TENM3: variants seen among roughly 807,000 people sequenced by gnomAD.
TENM3 encodes the protein teneurin-3.
TENM3 carries 63 observed loss-of-function variants against 255.1 expected under a neutral mutation model. The observed-to-expected ratio is 0.25, with a 90% CI of 0.20 to 0.30. TENM3 has a LOEUF of 0.30. TENM3 is among the 10% of genes least tolerant of loss of function. TENM3 has a pLI of 1.00. For missense variants in TENM3, 2,929 were observed against 3,461.1 expected, an observed-to-expected ratio of 0.85 and a Z score of 3.86; for synonymous variants, 1,306 against 1,322.3, an observed-to-expected ratio of 0.99 and a Z score of 0.27.
chr4:182,347,634 CT>C (rs11306301), intron 3 of TENM3, among the ~76,000 whole-genome samples: 149,354 of 152,070 alleles, frequency 0.98, 73,411 homozygotes, highest in East Asian at 1. Context: ...ATTATTGGGA[CT>C]TTTTTTTTCC....
the TENM3 span, among the ~76,000 whole-genome samples, chr4:181,854,336 A>G: frequency 1.3e-5 from 2 of 152,180 alleles, no homozygotes; most frequent in African/African-American, 4.8e-5. Flanking sequence ...GAACCACTCA[A>G]TGATTCCATG....
At chr4:182,502,235 G>A (rs1003107767) in intron 3 of TENM3, among the ~76,000 whole-genome samples, 12 of 152,150 alleles carry the variant, frequency 7.9e-5, no homozygotes, top group African/African-American at 2.9e-4. Context: ...TTAGGATGGC[G>A]ACTTTGTTCC....
At chr4:181,497,777 T>C in the TENM3 span, among the ~76,000 whole-genome samples, 1 of 152,208 alleles carries the variant, frequency 6.6e-6, no homozygotes. Flanking sequence ...ACTTCCCCAC[T>C]TCTTGCTTTC....
In TENM3 at chr4:182,591,545, A is replaced by G. The variant is rs147150134; in HGVS notation, c.512-9379A>G. 7.8e-4 allele frequency among the ~76,000 whole-genome samples: 119 copies of G among 152,378 alleles called. No homozygotes were observed. In the Middle Eastern group the frequency reaches 0.02, roughly 26 times the overall value. On this transcript the variant is annotated intron_variant, in intron 3 of 27. Coordinates refer to ENST00000511685, the MANE Select transcript of TENM3 (RefSeq NM_001080477.4). ...TGTTTACTTATATTGCATCATAACA[A>G]TGTTCAAAACACATTTTGAAATTTC... is the stretch of plus-strand genomic sequence containing the variant.
chr4:182,797,633 G>T (rs997996923), intron 27 of TENM3, among the ~76,000 whole-genome samples: 1 of 152,022 alleles, frequency 6.6e-6, no homozygotes, highest in East Asian at 1.9e-4. Flanking sequence ...CAAAGCTGCC[G>T]CTTCAGAAAG....
chr4:182,413,981 A>G (rs546915778), intron 3 of TENM3, among the ~76,000 whole-genome samples: 1 of 152,334 alleles, frequency 6.6e-6, no homozygotes, highest in South Asian at 2.1e-4. Flanking sequence ...GTTACCACAA[A>G]AGTGTACTAT....
chr4:182,527,052 T>C (rs553139571), intron 3 of TENM3, among the ~76,000 whole-genome samples: 14 of 152,274 alleles, frequency 9.2e-5, no homozygotes, highest in Admixed American at 3.9e-4. Flanking sequence ...ATGTGGATAA[T>C]TATATTGTTT....
the TENM3 span, among the ~76,000 whole-genome samples, chr4:181,493,648 G>C: frequency 3.3e-5 from 5 of 152,080 alleles, no homozygotes; most frequent in African/African-American, 1.2e-4. Flanking sequence ...TTGGGAGGCT[G>C]AGGCAGGAGG....
intron 15 of TENM3, among the ~76,000 whole-genome samples, 158 bp downstream of exon 15, chr4:182,730,477 G>A (rs1760604665): frequency 6.6e-6 from 1 of 152,166 alleles, no homozygotes; most frequent in Non-Finnish European, 1.5e-5. Context: ...GAGATTTAAA[G>A]TCATATACTC....
chr4:182,247,712 G>T (rs983077498), intron 1 of TENM3, among the ~76,000 whole-genome samples: 1 of 152,174 alleles, frequency 6.6e-6, no homozygotes, highest in South Asian at 2.1e-4. Context: ...CTGGACCAAG[G>T]ATGGCTCAGG....
At position 182,680,721 on chromosome 4, in the gene TENM3, A is replaced by C. The variant is rs373070349; in HGVS notation, c.1818A>C (p.Gly606=). The C allele has an allele frequency of 1.9e-6, 3 of 1,566,606 alleles. No individual in the cohort carries two copies. The highest frequency in any genetic ancestry group is 2.6e-6 in the Non-Finnish European group (3 of 1,159,288). The change falls in exon 10 of 28, where the codon GGA becomes GGC. Residue 606 remains glycine, a synonymous_variant. Transcript: ENST00000511685. ...GSCACNSGYK[G]ESCEEADCID... ...GTGCTTGCAACTCAGGATACAAAGG[A>C]GAAAGTTGTGAAGAAGGTAAACATG... is the stretch of plus-strand genomic sequence containing the variant.
intron 7 of TENM3, among the ~76,000 whole-genome samples, chr4:182,677,400 A>G (rs1278550584): frequency 3.3e-5 from 5 of 152,162 alleles, no homozygotes; most frequent in African/African-American, 7.2e-5. Context: ...CCTCCCGTTC[A>G]CTTTTTCAGT....
Position 182,587,024 on chromosome 4 carries a change from G to A in TENM3, c.512-13900G>A, listed in dbSNP as rs147588941. Among the ~76,000 whole-genome samples the A allele has an allele frequency of 1.8e-4, 28 of 152,200 alleles. No individual in the cohort carries two copies. The East Asian group carries it at 4.8e-3, about 26-fold the overall frequency. Reference sequence around the variant, plus strand: ...AGCTCAAAGCAGACTGAATCTTTTTGCTAAAAATAATTTTTAAAATGTATT... The same window carrying A: ...AGCTCAAAGCAGACTGAATCTTTTTACTAAAAATAATTTTTAAAATGTATT... On this transcript the variant is annotated intron_variant, in intron 3 of 27. Transcript: ENST00000511685.
intron 6 of TENM3, among the ~76,000 whole-genome samples, chr4:182,657,793 G>A (rs1295881891): frequency 6.6e-6 from 1 of 152,034 alleles, no homozygotes; most frequent in Non-Finnish European, 1.5e-5. Context: ...CGAGTAGCTG[G>A]GACTACAGGC....
intron 1 of TENM3, among the ~76,000 whole-genome samples, chr4:182,157,838 G>C (rs1362248262): frequency 6.6e-6 from 1 of 152,152 alleles, no homozygotes; most frequent in Non-Finnish European, 1.5e-5. Flanking sequence ...CCAACTTCAC[G>C]AACAGGTAAC....
chr4:181,960,134 A>G, the TENM3 span, among the ~76,000 whole-genome samples: 1 of 152,250 alleles, frequency 6.6e-6, no homozygotes, highest in Non-Finnish European at 1.5e-5. Flanking sequence ...GAAAAATAGG[A>G]ATTAAAATGC....
chr4:182,089,092 C>T, the TENM3 span, among the ~76,000 whole-genome samples: 12 of 152,084 alleles, frequency 7.9e-5, no homozygotes, highest in Non-Finnish European at 1.6e-4. Context: ...GGGAAGTGGG[C>T]CCTCACCAGA....
the TENM3 span, among the ~76,000 whole-genome samples, chr4:181,529,763 C>A: frequency 1.3e-5 from 2 of 152,196 alleles, no homozygotes; most frequent in African/African-American, 2.4e-5. Flanking sequence ...CGCGAGATGG[C>A]TACTTTCAGC....
chr4:181,897,635 C>A, the TENM3 span, among the ~76,000 whole-genome samples: 2 of 152,174 alleles, frequency 1.3e-5, no homozygotes, highest in Non-Finnish European at 2.9e-5. Context: ...TCATCTACAT[C>A]TAAATCTGAA....
Sources: allele counts gnomAD v4.1 joint callset (sites outside exome capture counted in the v4.1 genomes callset), GRCh38; gene constraint gnomAD v4.1.1; transcripts MANE v1.5; gene names NCBI Gene and HGNC (gene_info 2026-07-23, HGNC 2026-07-21).